RGS7: variants seen among roughly 807,000 people sequenced by gnomAD.
RGS7 encodes the protein regulator of G protein signaling 7.
RGS7 carries 27 observed loss-of-function variants against 81.1 expected under a neutral mutation model. That is an observed-to-expected ratio of 0.33 (90% CI 0.25 to 0.46). RGS7 has a LOEUF of 0.46. Ranked by LOEUF, RGS7 falls within the 20% of genes least tolerant of loss-of-function variation. The pLI is 1.00. For missense variants in RGS7, 396 were observed against 607.4 expected (o/e 0.65, Z 3.66); for synonymous variants, 208 against 207.7 (o/e 1.00, Z -0.01).
At chr1:240,878,660 G>T (rs1469938336) in intron 6 of RGS7, among the ~76,000 whole-genome samples, 1 of 151,896 alleles carries the variant, frequency 6.6e-6, no homozygotes, top group Admixed American at 6.6e-5. Context: ...GGTTTTGGGG[G>T]AAAAGTTTAC....
At chr1:240,886,088 T>C (rs1363148786) in intron 6 of RGS7, among the ~76,000 whole-genome samples, 1 of 152,228 alleles carries the variant, frequency 6.6e-6, no homozygotes, top group East Asian at 1.9e-4. Flanking sequence ...CTTTAACTGT[T>C]ATGATAATTA....
chr1:240,899,784 G>A (rs900877791), intron 6 of RGS7, among the ~76,000 whole-genome samples: 3 of 152,112 alleles, frequency 2.0e-5, no homozygotes, highest in Non-Finnish European at 4.4e-5. Flanking sequence ...TCTTCTCGAG[G>A]TGTATCTTTG....
chr1:241,252,950 C>T (rs1489387626), intron 2 of RGS7, among the ~76,000 whole-genome samples: 1 of 152,202 alleles, frequency 6.6e-6, no homozygotes, highest in African/African-American at 2.4e-5. Context: ...TACTCATCCT[C>T]TGAAGATGCT....
Position 240,868,684 on chromosome 1 carries a change from C to T in RGS7, c.528-16G>A, listed in dbSNP as rs370532560. The T allele has an allele frequency of 4.1e-5, 66 of 1,613,052 alleles. No individual in the cohort carries two copies. In the African/African-American group the frequency reaches 5.5e-4, roughly 13 times the overall value. On this transcript the variant is annotated splice_polypyrimidine_tract_variant and intron_variant, in intron 8 of 18. Coordinates refer to ENST00000440928, the MANE Select transcript of RGS7 (RefSeq NM_001364886.1). The surrounding 1 kb of genome is among the most constrained non-coding windows in gnomAD (Gnocchi z 5.1). ...CTTGTCCACTCTGTCAACACAGTAACAATAGATAACATTTAGTATTAATTG... is the reference window on the plus strand; with the variant it reads ...CTTGTCCACTCTGTCAACACAGTAATAATAGATAACATTTAGTATTAATTG...
intron 2 of RGS7, among the ~76,000 whole-genome samples, chr1:241,339,035 C>A (rs1345465871): frequency 2.0e-5 from 3 of 152,130 alleles, no homozygotes; most frequent in Non-Finnish European, 4.4e-5. Flanking sequence ...TATCCTGATG[C>A]TCTCTGCCCC....
intron 3 of RGS7, among the ~76,000 whole-genome samples, chr1:241,057,259 G>C (rs571569016): frequency 6.6e-6 from 1 of 152,070 alleles, no homozygotes; most frequent in African/African-American, 2.4e-5. Flanking sequence ...GTTATTTAAC[G>C]TTCCAGTCCC....
intron 5 of RGS7, among the ~76,000 whole-genome samples, chr1:240,932,669 C>T (rs2148353322): frequency 6.6e-6 from 1 of 150,600 alleles, no homozygotes; most frequent in Middle Eastern, 3.4e-3. Flanking sequence ...CCACCACGCC[C>T]AGCTGAGTTT....
intron 2 of RGS7, among the ~76,000 whole-genome samples, chr1:241,119,260 T>C (rs2066080116): frequency 6.6e-6 from 1 of 152,246 alleles, no homozygotes; most frequent in Non-Finnish European, 1.5e-5. Context: ...GTCTCTTCCA[T>C]GTTTGGCTTG....
At chr1:240,850,604 C>CA (rs1378278333) in intron 9 of RGS7, among the ~76,000 whole-genome samples, 1 of 152,000 alleles carries the variant, frequency 6.6e-6, no homozygotes, top group African/African-American at 2.4e-5. Flanking sequence ...TCAATTTAAG[C>CA]AAAAAACTAG....
intron 2 of RGS7, among the ~76,000 whole-genome samples, chr1:241,122,587 C>T (rs552404592): frequency 2.4e-4 from 36 of 151,166 alleles, no homozygotes; most frequent in African/African-American, 7.0e-4. Flanking sequence ...ACTTGAACCC[C>T]GAGAGGCAGA....
At chr1:240,830,132 T>C (rs1406006909) in intron 9 of RGS7, among the ~76,000 whole-genome samples, 3 of 152,222 alleles carry the variant, frequency 2.0e-5, no homozygotes, top group Non-Finnish European at 4.4e-5. Flanking sequence ...ATGAATTTTA[T>C]ATCATATGGG....
intron 9 of RGS7, among the ~76,000 whole-genome samples, chr1:240,828,893 A>C (rs1267299828): frequency 6.6e-6 from 1 of 152,202 alleles, no homozygotes; most frequent in Non-Finnish European, 1.5e-5. Context: ...TGTCCTTAGA[A>C]GTGACTCCAG....
chr1:241,199,614 T>G (rs1573094223), intron 2 of RGS7, among the ~76,000 whole-genome samples: 1 of 142,838 alleles, frequency 7.0e-6, no homozygotes, highest in African/African-American at 2.9e-5. Context: ...AGCCAAAACA[T>G]GTGAGGATTT....
At chr1:240,970,177 C>A (rs1245555123) in intron 4 of RGS7, among the ~76,000 whole-genome samples, 1 of 152,102 alleles carries the variant, frequency 6.6e-6, no homozygotes, top group Non-Finnish European at 1.5e-5. Flanking sequence ...TTTGCTGGAA[C>A]TGCAATATAG....
At chr1:241,299,315 C>G (rs2079600401) in intron 2 of RGS7, among the ~76,000 whole-genome samples, 1 of 152,210 alleles carries the variant, frequency 6.6e-6, no homozygotes, top group Non-Finnish European at 1.5e-5. Context: ...TTATCATACA[C>G]TGACCATATC....
intron 3 of RGS7, among the ~76,000 whole-genome samples, chr1:241,055,089 G>C (rs1257220123): frequency 1.3e-5 from 2 of 152,172 alleles, no homozygotes; most frequent in African/African-American, 4.8e-5. Flanking sequence ...AGTATTTTGT[G>C]ATGCTTTTTA....
At chr1:241,185,037 G>A (rs1043497403) in intron 2 of RGS7, among the ~76,000 whole-genome samples, 1 of 152,124 alleles carries the variant, frequency 6.6e-6, no homozygotes, top group Non-Finnish European at 1.5e-5. Flanking sequence ...GTCCACAACA[G>A]AAAAATCAGG....
intron 4 of RGS7, among the ~76,000 whole-genome samples, chr1:240,967,873 A>G (rs1302926977): frequency 6.6e-6 from 1 of 151,572 alleles, no homozygotes; most frequent in Non-Finnish European, 1.5e-5. Context: ...ACAAAAAGCA[A>G]ATTAGAGTTA....
intron 2 of RGS7, among the ~76,000 whole-genome samples, chr1:241,283,100 C>T (rs1453571822): frequency 1.3e-5 from 2 of 152,136 alleles, no homozygotes; most frequent in Non-Finnish European, 2.9e-5. Context: ...AAAAAGCTGT[C>T]TTAAATATGT....
Sources: allele counts gnomAD v4.1 joint callset (sites outside exome capture counted in the v4.1 genomes callset), GRCh38; gene constraint gnomAD v4.1.1; non-coding constraint Gnocchi (gnomAD v3.1); transcripts MANE v1.5; gene names NCBI Gene and HGNC (gene_info 2026-07-23, HGNC 2026-07-21).